PDK1: variants seen among roughly 807,000 people sequenced by gnomAD.
PDK1 encodes the protein pyruvate dehydrogenase kinase 1.
Under a neutral mutation model 54.2 loss-of-function variants are expected in PDK1, and 39 were observed. The ratio of observed to expected loss-of-function variants is 0.72; its 90% CI spans 0.56 to 0.94. The LOEUF (loss-of-function observed/expected upper bound fraction) is 0.94. Among genes scored for constraint, PDK1 ranks in the 40% least tolerant of loss-of-function variants. The pLI is 0.00. For synonymous variants in PDK1, 221 were observed against 207.1 expected, an observed-to-expected ratio of 1.07 and a Z score of -0.58; for missense variants, 552 against 566.0, an observed-to-expected ratio of 0.98 and a Z score of 0.25.
the PDK1 span, among the ~76,000 whole-genome samples, chr2:172,633,241 T>A: frequency 7.2e-3 from 1,087 of 151,558 alleles, 18 homozygotes; most frequent in African/African-American, 0.025. Context: ...AGAGATAGGG[T>A]CTCACTATGT....
the PDK1 span, among the ~76,000 whole-genome samples, chr2:172,668,869 ATG>A: frequency 2.6e-3 from 314 of 120,486 alleles, 1 homozygote; most frequent in Admixed American, 4.4e-3. Flanking sequence ...ATATGTATGT[ATG>A]TACACACACA....
chr2:172,670,509 T>G, the PDK1 span, among the ~76,000 whole-genome samples: 5 of 152,208 alleles, frequency 3.3e-5, no homozygotes, highest in Non-Finnish European at 5.9e-5. Context: ...TGTGTGAATA[T>G]TTGGAGAATG....
chr2:172,566,694 A>AT (rs1688965540), intron 5 of PDK1, among the ~76,000 whole-genome samples, 162 bp from the exon 6 acceptor site: 2 of 133,374 alleles, frequency 1.5e-5, no homozygotes, highest in Non-Finnish European at 3.2e-5. Context: ...TGTCTCTACC[A>AT]AAAAAAAAAA....
intron 9 of PDK1, among the ~76,000 whole-genome samples, chr2:172,591,067 G>A (rs1278996986): frequency 6.6e-6 from 1 of 152,198 alleles, no homozygotes; most frequent in Admixed American, 6.5e-5. Flanking sequence ...GAAAGGGCCA[G>A]CGGGTCAGTC....
At chr2:172,616,306 A>G in the PDK1 span, among the ~76,000 whole-genome samples, 21 of 152,170 alleles carry the variant, frequency 1.4e-4, no homozygotes, top group Non-Finnish European at 2.2e-4. Flanking sequence ...AACTGGAAAT[A>G]CTCTCAAAAC....
At chr2:172,564,909 G>A in intron 4 of PDK1, 69 bp from the exon 5 acceptor site, 1 of 1,078,922 alleles carries the variant, frequency 9.3e-7, no homozygotes, top group Middle Eastern at 2.1e-4. Context: ...AATTTAAACA[G>A]TATTCAGATT....
At chr2:172,678,071 G>C in the PDK1 span, among the ~76,000 whole-genome samples, 1 of 152,152 alleles carries the variant, frequency 6.6e-6, no homozygotes, top group East Asian at 1.9e-4. Flanking sequence ...TCAGGAGGCT[G>C]AGTCAGGAGA....
chr2:172,657,439 C>CCGATACTGCTTTTT, the PDK1 span, among the ~76,000 whole-genome samples: 6 of 149,330 alleles, frequency 4.0e-5, no homozygotes, highest in Non-Finnish European at 9.0e-5. Context: ...TTCGATACTG[C>CCGATACTGCTTTTT]TTTTAAATGA....
the PDK1 span, among the ~76,000 whole-genome samples, chr2:172,681,234 C>G: frequency 6.6e-6 from 1 of 152,228 alleles, no homozygotes; most frequent in African/African-American, 2.4e-5. Context: ...AAGCGATGCT[C>G]TGAACCAGGG....
chr2:172,579,750 A>G (rs758073757), intron 8 of PDK1, among the ~76,000 whole-genome samples: 1 of 148,036 alleles, frequency 6.8e-6, no homozygotes, highest in Non-Finnish European at 1.5e-5. Context: ...AGTTTCAGTG[A>G]TGTGACTTGG....
intron 6 of PDK1, among the ~76,000 whole-genome samples, chr2:172,568,195 G>A (rs1161757839): frequency 6.6e-6 from 1 of 151,908 alleles, no homozygotes; most frequent in Non-Finnish European, 1.5e-5. Flanking sequence ...AGGCGTGGTG[G>A]TTGGCGCCTG....
chr2:172,567,548 G>T (rs2149219333), intron 6 of PDK1, among the ~76,000 whole-genome samples: 1 of 152,316 alleles, frequency 6.6e-6, no homozygotes, highest in African/African-American at 2.4e-5. Flanking sequence ...AACAAAATAG[G>T]CTTTTACTAA....
At chr2:172,681,253 C>T in the PDK1 span, among the ~76,000 whole-genome samples, 7 of 152,276 alleles carry the variant, frequency 4.6e-5, no homozygotes, top group South Asian at 2.1e-4. Flanking sequence ...GGACAAAATC[C>T]GTATTATTAC....
the PDK1 span, among the ~76,000 whole-genome samples, chr2:172,653,014 A>T: frequency 5.9e-5 from 9 of 152,284 alleles, no homozygotes; most frequent in East Asian, 1.5e-3. Context: ...CATTGCCAAG[A>T]CAATCCTAAG....
At chr2:172,608,999 A>G (rs1040920517), downstream of PDK1, among the ~76,000 whole-genome samples, 2 of 152,234 alleles carry the variant, frequency 1.3e-5, no homozygotes, top group African/African-American at 2.4e-5. Flanking sequence ...TCCCAAATCA[A>G]TGAAGATAAA....
chr2:172,595,416 C>CT (rs1690837795), intron 10 of PDK1, among the ~76,000 whole-genome samples: 2 of 152,094 alleles, frequency 1.3e-5, no homozygotes, highest in Admixed American at 1.3e-4. Flanking sequence ...GAAAAAAACA[C>CT]TATTTCTTCT....
chr2:172,559,438 ATGTC>A (rs1372970127), intron 2 of PDK1, among the ~76,000 whole-genome samples: 1 of 152,228 alleles, frequency 6.6e-6, no homozygotes, highest in Non-Finnish European at 1.5e-5. Flanking sequence ...ATAAGAAAAA[ATGTC>A]TGCAATTTGT....
In PDK1 at chr2:172,607,010, A is replaced by G. The variant is rs1158036524; in HGVS notation, c.*11041A>G. ...GATTATATAAGGGTGGAAATATAAAAGAGTAAGCCTTTAGAAACAGTTTGT... is the reference window on the plus strand; with the variant it reads ...GATTATATAAGGGTGGAAATATAAAGGAGTAAGCCTTTAGAAACAGTTTGT... On this transcript the variant is annotated 3_prime_UTR_variant, in exon 11 of 11. Coordinates refer to ENST00000282077, the MANE Select transcript of PDK1 (RefSeq NM_002610.5). 6.6e-6 allele frequency: 1 copy of G among 152,242 alleles called. No homozygotes were observed. The highest frequency in any genetic ancestry group is 2.4e-5 in the African/African-American group (1 of 41,468). The allele number at this position is 152,242 out of a possible 1,614,324, so 9.4% of individuals were successfully genotyped here.
At chr2:172,569,567 G>C (rs1338317268) in intron 7 of PDK1, among the ~76,000 whole-genome samples, 1 of 152,116 alleles carries the variant, frequency 6.6e-6, no homozygotes, top group East Asian at 1.9e-4. Context: ...AGAGGAAAGA[G>C]GGGGTGGCTT....
Sources: gnomAD v4.1 joint callset for allele counts (sites outside exome capture counted in the v4.1 genomes callset) on GRCh38, gnomAD v4.1.1 for gene constraint, MANE v1.5 for transcripts, NCBI Gene and HGNC (gene_info 2026-07-23, HGNC 2026-07-21) for gene names.